Variants in SYNE2 observed in about 807,000 individuals in gnomAD.
The protein encoded by SYNE2 is spectrin repeat containing nuclear envelope protein 2.
SYNE2 carries 431 observed loss-of-function variants against 856.3 expected under a neutral mutation model. The observed-to-expected ratio is 0.50, with a 90% CI of 0.47 to 0.55. SYNE2 has a LOEUF of 0.55. Ranked by LOEUF, SYNE2 falls within the 20% of genes least tolerant of loss-of-function variation. SYNE2 has a pLI of 0.00. For missense variants in SYNE2, 8,129 were observed against 8,023.2 expected (o/e 1.01, Z -0.50); for synonymous variants, 2,923 against 2,872.3 (o/e 1.02, Z -0.56).
At chr14:64,010,705 C>T (rs2096837343) in intron 32 of SYNE2, among the ~76,000 whole-genome samples, 1 of 152,096 alleles carries the variant, frequency 6.6e-6, no homozygotes, top group African/African-American at 2.4e-5. Context: ...GACTCTACAC[C>T]AGAAAGTTTC....
chr14:63,791,577 G>A (rs1488977984), intron 1 of SYNE2, among the ~76,000 whole-genome samples: 1 of 152,092 alleles, frequency 6.6e-6, no homozygotes, highest in African/African-American at 2.4e-5. Context: ...GAACTAGTTA[G>A]CATTAGCCTG....
In SYNE2 at chr14:64,223,218, A is replaced by G. The variant is rs774697526; in HGVS notation, c.20220A>G (p.Gln6740=). Residue 6740 remains glutamine (Q), a synonymous_variant, in exon 113 of 116, where the codon CAA becomes CAG. Coordinates refer to ENST00000555002, the MANE Select transcript of SYNE2 (RefSeq NM_182914.3). ...TGGAAAAGGAGCTGGTAGAACGTCA[A>G]CCTCAAGTGGACATGTTACAGGAGA... ...MQLEKELVER[Q]PQVDMLQEIS... 8.1e-6 allele frequency: 13 copies of G among 1,614,060 alleles called. No individual in the cohort carries two copies. The highest frequency in any genetic ancestry group is 1.1e-5 in the South Asian group (1 of 91,042).
intron 1 of SYNE2, among the ~76,000 whole-genome samples, chr14:63,831,549 C>CTTTTTTT (rs1211983068): frequency 1.1e-3 from 76 of 69,554 alleles, no homozygotes; most frequent in Non-Finnish European, 1.3e-3. Flanking sequence ...AATGTTCATT[C>CTTTTTTT]TTTTTTTTTT....
chr14:64,039,332 C>T (rs748550227), intron 45 of SYNE2, among the ~76,000 whole-genome samples: 3 of 152,208 alleles, frequency 2.0e-5, no homozygotes, highest in Non-Finnish European at 2.9e-5. Flanking sequence ...AGGTTACTGA[C>T]TTGCCTCTTG....
chr14:64,081,320 G>C, intron 56 of SYNE2, 123 bp from the exon 57 acceptor site: 1 of 1,200,854 alleles, frequency 8.3e-7, no homozygotes, highest in Non-Finnish European at 1.2e-6. Context: ...CCCCAGCCAT[G>C]GGGAGCAGAC....
At chr14:63,889,328 T>C (rs575031895) in intron 1 of SYNE2, among the ~76,000 whole-genome samples, 2 of 152,168 alleles carry the variant, frequency 1.3e-5, no homozygotes, top group South Asian at 4.1e-4. Flanking sequence ...TTAAAAATCC[T>C]CTAAAAATAG....
chr14:63,804,853 G>A (rs960280123), intron 1 of SYNE2, among the ~76,000 whole-genome samples: 8 of 152,078 alleles, frequency 5.3e-5, no homozygotes, highest in Non-Finnish European at 1.2e-4. Flanking sequence ...AAGTAACTGT[G>A]GTTTTGCCAT....
chr14:63,942,598 T>C (rs1015691899), intron 6 of SYNE2, among the ~76,000 whole-genome samples: 4 of 151,944 alleles, frequency 2.6e-5, no homozygotes, highest in African/African-American at 9.7e-5. Flanking sequence ...CAGGTTCGAG[T>C]GATTCTTCTG....
chr14:63,955,645 T>G (rs1168641153), intron 8 of SYNE2, among the ~76,000 whole-genome samples: 1 of 152,188 alleles, frequency 6.6e-6, no homozygotes, highest in South Asian at 2.1e-4. Flanking sequence ...TACTGGGGTG[T>G]GTATACAAAT....
chr14:63,781,252 T>G (rs1268768221), intron 1 of SYNE2, among the ~76,000 whole-genome samples: 1 of 148,930 alleles, frequency 6.7e-6, no homozygotes, highest in African/African-American at 2.5e-5. Flanking sequence ...TACTCCAGCC[T>G]GTGCAACAAG....
At position 64,051,940 on chromosome 14, in the gene SYNE2, A is replaced by AGCATGGATTTTCTGTTTTAAAGGG; in HGVS notation, c.8031_8054dup (p.His2677_Gly2684dup). The stretch of plus-strand genomic sequence containing the variant: ...TTGACCACTGACCTCCAGGCTACCA[A>AGCATGGATTTTCTGTTTTAAAGGG]GCATGGATTTTCTGTTTTAAAGGGG... On this transcript the variant is annotated inframe_insertion, in exon 48 of 116. Coordinates refer to ENST00000555002, the MANE Select transcript of SYNE2 (RefSeq NM_182914.3). The AGCATGGATTTTCTGTTTTAAAGGG allele has an allele frequency of 2.5e-6, 4 of 1,613,900 alleles. No homozygotes were observed. The highest frequency in any genetic ancestry group is 3.4e-6 in the Non-Finnish European group (4 of 1,180,038).
At chr14:64,153,230 A>G (rs1430336757) in intron 85 of SYNE2, among the ~76,000 whole-genome samples, 1 of 152,192 alleles carries the variant, frequency 6.6e-6, no homozygotes, top group East Asian at 1.9e-4. Context: ...GACATCTAAT[A>G]ATCTTACAAA....
At chr14:63,948,808 A>G (rs193176402) in intron 6 of SYNE2, among the ~76,000 whole-genome samples, 2,047 of 105,672 alleles carry the variant, frequency 0.019, 131 homozygotes, top group South Asian at 0.046. Flanking sequence ...ATATATATAT[A>G]TATATATATA....
chr14:64,038,688 C>T (rs1436837933), intron 45 of SYNE2, among the ~76,000 whole-genome samples: 3 of 152,324 alleles, frequency 2.0e-5, no homozygotes, highest in East Asian at 3.9e-4. Context: ...CAAAAAAATA[C>T]GAAAACCAGT....
chr14:64,190,208 G>T lies in SYNE2; in HGVS notation c.18009G>T (p.Trp6003Cys), dbSNP rs2098511669. 1.2e-6 allele frequency: 2 copies of T among 1,613,880 alleles called. No individual in the cohort carries two copies. Among genetic ancestry groups the T allele is most frequent in the Non-Finnish European group, 1.7e-6 (2 of 1,180,026 alleles). ...DDKLNKINDR[W>C]QHLFDVIGSR... Reference sequence around the variant, plus strand: ...AGCTCAACAAAATTAACGATCGTTGGCAACATCTTTTTGATGTCATCGGAT... The same window carrying T: ...AGCTCAACAAAATTAACGATCGTTGTCAACATCTTTTTGATGTCATCGGAT... The change falls in exon 99 of 116, where the codon TGG becomes TGT. Residue 6003 changes from tryptophan to cysteine, a missense_variant. By Grantham distance (215) the Trp-to-Cys change is radical. Coordinates refer to ENST00000555002, the MANE Select transcript of SYNE2 (RefSeq NM_182914.3).
At chr14:64,021,753 C>A in intron 36 of SYNE2, 104 bp from the exon 37 acceptor site, 1 of 1,278,696 alleles carries the variant, frequency 7.8e-7, no homozygotes, top group Non-Finnish European at 1.1e-6. Flanking sequence ...ATCCACTCAA[C>A]AGAGAGTCAT....
intron 27 of SYNE2, 71 bp from the exon 28 acceptor site, chr14:64,000,491 T>C: frequency 1.4e-6 from 2 of 1,397,352 alleles, no homozygotes; most frequent in Non-Finnish European, 2.0e-6. Context: ...GAATGTCTCA[T>C]GTTTTAAGAA....
At chr14:64,148,336 A>G (rs1015754160) in intron 84 of SYNE2, among the ~76,000 whole-genome samples, 1 of 152,168 alleles carries the variant, frequency 6.6e-6, no homozygotes, top group Non-Finnish European at 1.5e-5. Flanking sequence ...ATAATCCATT[A>G]ATTTTACCAA....
intron 53 of SYNE2, 154 bp from the exon 54 acceptor site, chr14:64,075,791 C>A: frequency 1.4e-6 from 1 of 738,168 alleles, no homozygotes; most frequent in East Asian, 2.6e-5. Flanking sequence ...CTGAGTGTCT[C>A]TGGGGCTTAA....
Sources: gnomAD v4.1 joint callset for allele counts (sites outside exome capture counted in the v4.1 genomes callset) on GRCh38, gnomAD v4.1.1 for gene constraint, MANE v1.5 for transcripts, NCBI Gene and HGNC (gene_info 2026-07-23, HGNC 2026-07-21) for gene names.